NKAIN3: variants seen among roughly 807,000 people sequenced by gnomAD.
NKAIN3 encodes the protein sodium/potassium-transporting ATPase subunit beta-1-interacting protein 3.
A neutral mutation model predicts 30.2 loss-of-function variants in NKAIN3; 25 were observed. The observed-to-expected ratio is 0.83, with a 90% confidence interval of 0.60 to 1.16. The LOEUF is 1.16. NKAIN3 is among the 50% of genes most tolerant of loss of function. The pLI is 0.00. For missense variants in NKAIN3, 225 were observed against 254.1 expected (o/e 0.89, Z 0.78); for synonymous variants, 91 against 89.6 (o/e 1.02, Z -0.09).
chr8:62,880,410 A>G (rs1411265951), intron 4 of NKAIN3, among the ~76,000 whole-genome samples: 2 of 152,236 alleles, frequency 1.3e-5, no homozygotes, highest in Non-Finnish European at 2.9e-5. Context: ...TTACCTACAC[A>G]ACAAAAAGAT....
At chr8:62,717,375 C>T (rs1814941378) in intron 3 of NKAIN3, among the ~76,000 whole-genome samples, 1 of 152,106 alleles carries the variant, frequency 6.6e-6, no homozygotes, top group Non-Finnish European at 1.5e-5. Flanking sequence ...TCTGCCTATG[C>T]TTTATGTGTT....
intron 4 of NKAIN3, among the ~76,000 whole-genome samples, chr8:62,832,824 G>A (rs919644608): frequency 1.3e-5 from 2 of 151,964 alleles, no homozygotes; most frequent in South Asian, 2.1e-4. Flanking sequence ...ACTTAAACTC[G>A]ACACTTGGCC....
intron 3 of NKAIN3, among the ~76,000 whole-genome samples, chr8:62,638,440 C>T (rs991645551): frequency 3.9e-5 from 6 of 152,090 alleles, no homozygotes; most frequent in South Asian, 2.1e-4. Context: ...AAGCTAGAGA[C>T]AGGATATGGT....
chr8:62,653,089 G>A (rs186118015), intron 3 of NKAIN3, among the ~76,000 whole-genome samples: 24 of 152,264 alleles, frequency 1.6e-4, no homozygotes, highest in Admixed American at 1.3e-3. Flanking sequence ...ATTCTTCTCT[G>A]TGTTGGGTAC....
chr8:62,742,613 C>G (rs898204135), intron 3 of NKAIN3, among the ~76,000 whole-genome samples: 1 of 152,168 alleles, frequency 6.6e-6, no homozygotes, highest in African/African-American at 2.4e-5. Flanking sequence ...AAAGCAAAGA[C>G]ACCAGTTGTA....
At chr8:62,486,910 G>C (rs1459482148) in intron 1 of NKAIN3, among the ~76,000 whole-genome samples, 1 of 152,180 alleles carries the variant, frequency 6.6e-6, no homozygotes, top group Non-Finnish European at 1.5e-5. Context: ...TCTTGCTGCT[G>C]TTTAGATATC....
intron 5 of NKAIN3, among the ~76,000 whole-genome samples, chr8:62,936,963 C>G (rs1338786885): frequency 6.6e-6 from 1 of 151,802 alleles, no homozygotes; most frequent in Non-Finnish European, 1.5e-5. Flanking sequence ...AGGACTTTGC[C>G]TAAACTATGT....
chr8:62,899,976 A>G (rs910430499), intron 4 of NKAIN3, among the ~76,000 whole-genome samples: 3 of 151,838 alleles, frequency 2.0e-5, no homozygotes, highest in African/African-American at 7.3e-5. Flanking sequence ...CTTCACTATT[A>G]TGCGATTCAT....
intron 4 of NKAIN3, among the ~76,000 whole-genome samples, chr8:62,907,199 G>A (rs540735384): frequency 6.6e-6 from 1 of 152,122 alleles, no homozygotes; most frequent in African/African-American, 2.4e-5. Context: ...ACTTGAGAGA[G>A]ATAATTTAGG....
At chr8:62,604,091 A>C (rs563135259) in intron 3 of NKAIN3, among the ~76,000 whole-genome samples, 19 of 152,194 alleles carry the variant, frequency 1.2e-4, no homozygotes, top group Non-Finnish European at 2.2e-4. Flanking sequence ...AGAGTCAGGA[A>C]ACAGGAGAGA....
At chr8:62,622,449 G>T (rs967004378) in intron 3 of NKAIN3, among the ~76,000 whole-genome samples, 1 of 151,928 alleles carries the variant, frequency 6.6e-6, no homozygotes, top group East Asian at 1.9e-4. Flanking sequence ...CCCAGCATTG[G>T]TGTTATCACT....
At chr8:62,713,239 T>A (rs1227977498) in intron 3 of NKAIN3, among the ~76,000 whole-genome samples, 1 of 152,210 alleles carries the variant, frequency 6.6e-6, no homozygotes, top group Non-Finnish European at 1.5e-5. Flanking sequence ...TGTCAGCTTC[T>A]TGGTTTTTAT....
intron 4 of NKAIN3, among the ~76,000 whole-genome samples, chr8:62,832,229 A>G (rs1352361390): frequency 1.3e-5 from 2 of 151,480 alleles, no homozygotes; most frequent in African/African-American, 4.9e-5. Context: ...AAACAGAAAC[A>G]AAAGAACAAT....
chr8:62,576,403 T>G (rs1810109583), intron 1 of NKAIN3, among the ~76,000 whole-genome samples: 1 of 152,142 alleles, frequency 6.6e-6, no homozygotes, highest in Admixed American at 6.6e-5. Context: ...ACTCAAGTTC[T>G]GTAAAGGTCT....
At chr8:62,695,519 T>C (rs1408451005) in intron 3 of NKAIN3, among the ~76,000 whole-genome samples, 1 of 152,168 alleles carries the variant, frequency 6.6e-6, no homozygotes, top group Non-Finnish European at 1.5e-5. Flanking sequence ...TGGGTATCTC[T>C]GAAAACAGAA....
At chr8:62,845,360 T>C (rs1819658295) in intron 4 of NKAIN3, among the ~76,000 whole-genome samples, 1 of 142,968 alleles carries the variant, frequency 7.0e-6, no homozygotes, top group Admixed American at 7.2e-5. Context: ...CAAAGATTCT[T>C]CCCCCAACTC....
At chr8:62,835,659 G>T (rs80307540) in intron 4 of NKAIN3, among the ~76,000 whole-genome samples, 1 of 151,832 alleles carries the variant, frequency 6.6e-6, no homozygotes, top group African/African-American at 2.4e-5. Context: ...TACCCTAGTC[G>T]CAATGGCTAT....
At chr8:62,799,607 C>T (rs920833334) in intron 4 of NKAIN3, among the ~76,000 whole-genome samples, 3 of 152,124 alleles carry the variant, frequency 2.0e-5, no homozygotes, top group Non-Finnish European at 2.9e-5. Context: ...GGAATGTAAA[C>T]TAGTATAACC....
chr8:62,507,739 G>T (rs1807686572), intron 1 of NKAIN3, among the ~76,000 whole-genome samples: 1 of 152,150 alleles, frequency 6.6e-6, no homozygotes, highest in Admixed American at 6.5e-5. Context: ...ACAATAGGAA[G>T]AAATTATTAG....
Sources: gnomAD v4.1 joint callset for allele counts (sites outside exome capture counted in the v4.1 genomes callset) on GRCh38, gnomAD v4.1.1 for gene constraint, MANE v1.5 for transcripts, NCBI Gene and HGNC (gene_info 2026-07-23, HGNC 2026-07-21) for gene names.